ATRNL1: variants seen among roughly 807,000 people sequenced by gnomAD.
The protein encoded by ATRNL1 is attractin-like protein 1.
Under a neutral mutation model 182.7 loss-of-function variants are expected in ATRNL1, and 95 were observed. The ratio of observed to expected loss-of-function variants is 0.52; its 90% CI spans 0.44 to 0.62. ATRNL1 has a LOEUF of 0.62. Ranked by LOEUF, ATRNL1 falls within the 20% of genes least tolerant of loss-of-function variation. ATRNL1 has a pLI of 0.00. For synonymous variants in ATRNL1, 576 were observed against 568.3 expected (o/e 1.01, Z -0.19); for missense variants, 1,471 against 1,679.5 (o/e 0.88, Z 2.17).
chr10:115,565,158 G>A (rs995917083), intron 26 of ATRNL1, among the ~76,000 whole-genome samples: 2 of 151,998 alleles, frequency 1.3e-5, no homozygotes, highest in East Asian at 3.9e-4. Context: ...CACTACAGTG[G>A]AGTACCTCTC....
intron 27 of ATRNL1, among the ~76,000 whole-genome samples, chr10:115,805,135 G>A (rs752666578): frequency 1.5e-4 from 23 of 152,132 alleles, no homozygotes; most frequent in Non-Finnish European, 2.5e-4. Context: ...AATCGTAGAA[G>A]AAGCAGCCCC....
chr10:115,678,820 A>G (rs1945950880), intron 26 of ATRNL1, among the ~76,000 whole-genome samples: 1 of 152,112 alleles, frequency 6.6e-6, no homozygotes, highest in Non-Finnish European at 1.5e-5. Context: ...AGCTGGCTCA[A>G]GTTTAGAAAT....
At position 115,186,849 on chromosome 10, in the gene ATRNL1, CAAAG is replaced by C. The variant is rs1163751086; in HGVS notation, c.1348+15561_1348+15564del. Among the ~76,000 whole-genome samples the C allele has an allele frequency of 2.0e-5, 3 of 152,034 alleles. No individual in the cohort carries two copies. The East Asian group carries it at 5.8e-4, about 29-fold the overall frequency. The stretch of plus-strand genomic sequence containing the variant: ...TACAGTAGAATTGGATTATTTGTGT[CAAAG>C]AAATGAATAGATGTTTGATGTGATT... On this transcript the variant is annotated intron_variant, in intron 8 of 28. Transcript: ENST00000355044.
At chr10:115,472,961 A>G (rs527880682) in intron 24 of ATRNL1, among the ~76,000 whole-genome samples, 121 of 151,250 alleles carry the variant, frequency 8.0e-4, no homozygotes, top group African/African-American at 2.7e-3. Context: ...ATTGTGTAGG[A>G]TGTTAGCTAT....
intron 28 of ATRNL1, among the ~76,000 whole-genome samples, chr10:115,873,699 T>C (rs1387221584): frequency 6.6e-6 from 1 of 152,196 alleles, no homozygotes; most frequent in Non-Finnish European, 1.5e-5. Flanking sequence ...ATTGACTATT[T>C]AGGTTAGCAT....
chr10:115,750,863 T>C (rs1219856124), intron 27 of ATRNL1, among the ~76,000 whole-genome samples: 1 of 152,048 alleles, frequency 6.6e-6, no homozygotes, highest in Admixed American at 6.6e-5. Context: ...GAAAAGATGT[T>C]CCAATTCACT....
chr10:115,872,241 T>A (rs1403806940), intron 28 of ATRNL1, among the ~76,000 whole-genome samples: 1 of 152,214 alleles, frequency 6.6e-6, no homozygotes, highest in East Asian at 1.9e-4. Context: ...TCTAGAGAAT[T>A]TCTAATGTAT....
chr10:115,834,710 C>A (rs79826006), intron 27 of ATRNL1, among the ~76,000 whole-genome samples: 2,613 of 152,242 alleles, frequency 0.017, 86 homozygotes, highest in African/African-American at 0.06. Context: ...ACGTGTAGAA[C>A]CACAGTGATG....
At chr10:115,694,882 GT>G (rs35787777) in intron 26 of ATRNL1, among the ~76,000 whole-genome samples, 3,114 of 141,640 alleles carry the variant, frequency 0.022, 83 homozygotes, top group African/African-American at 0.07. Context: ...TATTTTTCCT[GT>G]TTTTTTTTTT....
At chr10:115,319,396 A>G (rs1457401395) in intron 18 of ATRNL1, among the ~76,000 whole-genome samples, 2 of 152,214 alleles carry the variant, frequency 1.3e-5, no homozygotes, top group East Asian at 1.9e-4. Flanking sequence ...GTAGAAGTCT[A>G]TTAGGTCCAC....
intron 24 of ATRNL1, among the ~76,000 whole-genome samples, chr10:115,479,012 A>G (rs36089356): frequency 0.02 from 2,977 of 151,720 alleles, 39 homozygotes; most frequent in South Asian, 0.038. Flanking sequence ...TAAAGACTTC[A>G]TGTGGGTAAA....
intron 26 of ATRNL1, among the ~76,000 whole-genome samples, chr10:115,715,098 A>C (rs976360397): frequency 2.0e-5 from 3 of 152,174 alleles, no homozygotes; most frequent in Non-Finnish European, 2.9e-5. Flanking sequence ...AGAGGGGCTG[A>C]CTAAGTAAGA....
At chr10:115,897,857 A>G (rs1555112886) in intron 28 of ATRNL1, among the ~76,000 whole-genome samples, 1 of 152,138 alleles carries the variant, frequency 6.6e-6, no homozygotes, top group Non-Finnish European at 1.5e-5. Context: ...ATAAGTGATC[A>G]TTCATGTTAG....
intron 13 of ATRNL1, among the ~76,000 whole-genome samples, chr10:115,272,383 A>C (rs567052429): frequency 6.6e-6 from 1 of 152,312 alleles, no homozygotes; most frequent in Admixed American, 6.5e-5. Context: ...CAATGAGCAC[A>C]GTAACTCTTC....
chr10:115,675,866 G>A (rs1945844863), intron 26 of ATRNL1, among the ~76,000 whole-genome samples: 1 of 152,042 alleles, frequency 6.6e-6, no homozygotes, highest in African/African-American at 2.4e-5. Flanking sequence ...GATGAAGCAT[G>A]AAGAAAGCTC....
At chr10:115,763,018 C>G (rs1304412344) in intron 27 of ATRNL1, among the ~76,000 whole-genome samples, 4 of 151,966 alleles carry the variant, frequency 2.6e-5, no homozygotes, top group African/African-American at 7.2e-5. Context: ...GATAAAATTT[C>G]AGATGGATTG....
At chr10:115,830,127 C>T (rs542231730) in intron 27 of ATRNL1, among the ~76,000 whole-genome samples, 2 of 152,174 alleles carry the variant, frequency 1.3e-5, no homozygotes, top group Non-Finnish European at 2.9e-5. Context: ...GGTGCATTGG[C>T]GGATCTCAAT....
intron 27 of ATRNL1, among the ~76,000 whole-genome samples, chr10:115,826,518 T>G (rs753298837): frequency 4.1e-4 from 62 of 152,166 alleles, no homozygotes; most frequent in Non-Finnish European, 7.1e-4. Flanking sequence ...GTTACAGCCC[T>G]TTTACTCTCA....
At chr10:115,353,651 C>T (rs1856371539) in intron 19 of ATRNL1, among the ~76,000 whole-genome samples, 1 of 152,028 alleles carries the variant, frequency 6.6e-6, no homozygotes, top group South Asian at 2.1e-4. Flanking sequence ...TCCTTTCTTC[C>T]TCTCTTCCTT....
Sources: allele counts gnomAD v4.1 joint callset (sites outside exome capture counted in the v4.1 genomes callset), GRCh38; gene constraint gnomAD v4.1.1; transcripts MANE v1.5; gene names NCBI Gene and HGNC (gene_info 2026-07-23, HGNC 2026-07-21).